Variants in REC114 observed in about 807,000 individuals in gnomAD.
REC114 encodes REC114 meiotic recombination protein.
REC114 carries 27 observed loss-of-function variants against 31.3 expected under a neutral mutation model. That is an observed-to-expected ratio of 0.86 (90% CI 0.64 to 1.19). The LOEUF is 1.19. REC114 is among the 50% of genes most tolerant of loss of function. REC114 has a pLI of 0.00. For missense variants in REC114, 344 were observed against 326.9 expected, an observed-to-expected ratio of 1.05 and a Z score of -0.40; for synonymous variants, 134 against 127.7, an observed-to-expected ratio of 1.05 and a Z score of -0.33.
intron 2 of REC114, among the ~76,000 whole-genome samples, chr15:73,529,971 G>A (rs918881769): frequency 3.3e-5 from 5 of 152,092 alleles, no homozygotes; most frequent in East Asian, 1.9e-4. Flanking sequence ...AAACACAGTC[G>A]TCCTTTTTTG....
intron 2 of REC114, among the ~76,000 whole-genome samples, chr15:73,539,671 C>G (rs922150715): frequency 3.3e-5 from 5 of 151,888 alleles, no homozygotes; most frequent in Non-Finnish European, 7.4e-5. Context: ...CCTTCCCTGG[C>G]TGTGGTGGAC....
chr15:73,480,898 G>C (rs778821440), intron 2 of REC114, among the ~76,000 whole-genome samples: 2 of 152,044 alleles, frequency 1.3e-5, no homozygotes, highest in African/African-American at 4.8e-5. Context: ...GGCTGGTCTC[G>C]AACTCCTGAC....
chr15:73,503,273 C>T (rs1285524002), intron 2 of REC114, among the ~76,000 whole-genome samples: 6 of 152,148 alleles, frequency 3.9e-5, no homozygotes, highest in Non-Finnish European at 8.8e-5. Flanking sequence ...CCAGTTCATA[C>T]GTTCCCCAGT....
intron 2 of REC114, among the ~76,000 whole-genome samples, chr15:73,492,653 G>A (rs187133980): frequency 6.6e-6 from 1 of 152,138 alleles, no homozygotes; most frequent in Non-Finnish European, 1.5e-5. Context: ...TGATGATGCC[G>A]ATTATACTCA....
intron 2 of REC114, among the ~76,000 whole-genome samples, chr15:73,477,607 A>G (rs1893233248): frequency 6.6e-6 from 1 of 152,074 alleles, no homozygotes; most frequent in Middle Eastern, 3.2e-3. Flanking sequence ...TTGTAGAGAC[A>G]GGATCTCACT....
At chr15:73,478,641 T>G (rs1893249989) in intron 2 of REC114, among the ~76,000 whole-genome samples, 1 of 152,238 alleles carries the variant, frequency 6.6e-6, no homozygotes, top group African/African-American at 2.4e-5. Context: ...TGGGACTGAT[T>G]TGAATCTATA....
At chr15:73,447,633 G>A (rs1410547904) in intron 1 of REC114, among the ~76,000 whole-genome samples, 7 of 149,284 alleles carry the variant, frequency 4.7e-5, no homozygotes, top group Non-Finnish European at 8.9e-5. Flanking sequence ...GGGCAACAGA[G>A]TGAGACTCTG....
chr15:73,517,819 T>C (rs369532759), intron 2 of REC114, among the ~76,000 whole-genome samples: 8 of 152,140 alleles, frequency 5.3e-5, no homozygotes, highest in African/African-American at 1.9e-4. Context: ...GATATTTAAA[T>C]AGCAATTGAA....
At chr15:73,533,535 A>C (rs1894114300) in intron 2 of REC114, among the ~76,000 whole-genome samples, 1 of 151,870 alleles carries the variant, frequency 6.6e-6, no homozygotes, top group African/African-American at 2.4e-5. Flanking sequence ...AGATTGATAA[A>C]GCAAGTCCTG....
At chr15:73,524,928 A>G (rs1348387756) in intron 2 of REC114, among the ~76,000 whole-genome samples, 1 of 152,182 alleles carries the variant, frequency 6.6e-6, no homozygotes, top group Non-Finnish European at 1.5e-5. Flanking sequence ...GGAAATTTTT[A>G]ACAAGTGGGA....
chr15:73,557,512 G>A (rs1894489331), intron 5 of REC114, among the ~76,000 whole-genome samples: 1 of 151,678 alleles, frequency 6.6e-6, no homozygotes, highest in Non-Finnish European at 1.5e-5. Context: ...AAACTCAAGA[G>A]GTAGGAAGAC....
chr15:73,533,720 T>A (rs2141326206), intron 2 of REC114, among the ~76,000 whole-genome samples: 1 of 146,260 alleles, frequency 6.8e-6, no homozygotes, highest in South Asian at 2.2e-4. Context: ...CCACCCCAAA[T>A]CAACAGAATA....
At chr15:73,445,233 C>G (rs2151248961) in intron 1 of REC114, among the ~76,000 whole-genome samples, 1 of 152,262 alleles carries the variant, frequency 6.6e-6, no homozygotes, top group African/African-American at 2.4e-5. Context: ...GCTTTGAAGC[C>G]AGGCATTGAC....
chr15:73,484,616 A>G (rs1274494077), intron 2 of REC114, among the ~76,000 whole-genome samples: 1 of 152,232 alleles, frequency 6.6e-6, no homozygotes, highest in Non-Finnish European at 1.5e-5. Context: ...CAGAAGTTGC[A>G]GAAGCCAAAG....
chr15:73,503,012 T>C (rs1199181613), intron 2 of REC114, among the ~76,000 whole-genome samples: 2 of 152,216 alleles, frequency 1.3e-5, no homozygotes, highest in Admixed American at 1.3e-4. Context: ...AAATGAACTA[T>C]AATACAACTG....
At chr15:73,539,618 CT>C (rs908988716) in intron 2 of REC114, among the ~76,000 whole-genome samples, 12 of 151,948 alleles carry the variant, frequency 7.9e-5, no homozygotes, top group African/African-American at 2.9e-4. Flanking sequence ...ACATTTTCTT[CT>C]GTTTTTTTAA....
At chr15:73,486,997 G>A (rs1227932889) in intron 2 of REC114, among the ~76,000 whole-genome samples, 8 of 151,612 alleles carry the variant, frequency 5.3e-5, no homozygotes, top group Non-Finnish European at 1.5e-5. Flanking sequence ...CTCCAGCCTG[G>A]ACAACAAGAG....
intron 1 of REC114, among the ~76,000 whole-genome samples, chr15:73,461,994 C>T (rs1892996306): frequency 7.4e-6 from 1 of 135,840 alleles, no homozygotes; most frequent in Non-Finnish European, 1.5e-5. Context: ...TGCGGTGGTG[C>T]GATCTCGGCT....
At chr15:73,484,362 T>C (rs1228664939) in intron 2 of REC114, among the ~76,000 whole-genome samples, 2 of 152,132 alleles carry the variant, frequency 1.3e-5, no homozygotes, top group African/African-American at 4.8e-5. Flanking sequence ...CACCTGCTTC[T>C]TTGTTGCCTG....
Sources: gnomAD v4.1 joint callset for allele counts (sites outside exome capture counted in the v4.1 genomes callset) on GRCh38, gnomAD v4.1.1 for gene constraint, MANE v1.5 for transcripts, NCBI Gene and HGNC (gene_info 2026-07-23, HGNC 2026-07-21) for gene names.